ASCC3: variants seen among roughly 807,000 people sequenced by gnomAD.
The protein encoded by ASCC3 is activating signal cointegrator 1 complex subunit 3.
ASCC3 carries 158 observed loss-of-function variants against 256.3 expected under a neutral mutation model. That is an observed-to-expected ratio of 0.62 (90% confidence interval 0.54 to 0.70). ASCC3 has a LOEUF of 0.70. ASCC3 is among the 30% of genes least tolerant of loss of function. The pLI, the probability that ASCC3 is intolerant of heterozygous loss-of-function variation, is 0.00. For synonymous variants in ASCC3, 948 were observed against 883.4 expected (o/e 1.07, Z -1.30); for missense variants, 2,259 against 2,626.0 (o/e 0.86, Z 3.05).
At chr6:100,653,204 C>G (rs979853295) in intron 17 of ASCC3, among the ~76,000 whole-genome samples, 2 of 152,002 alleles carry the variant, frequency 1.3e-5, no homozygotes, top group Non-Finnish European at 2.9e-5. Context: ...ATTTTAAAAA[C>G]TCAATAATTG....
At chr6:100,590,601 C>A (rs1285091249) in intron 34 of ASCC3, among the ~76,000 whole-genome samples, 1 of 152,080 alleles carries the variant, frequency 6.6e-6, no homozygotes, top group Non-Finnish European at 1.5e-5. Flanking sequence ...TCCCTTTTCC[C>A]CATCCACATC....
At chr6:100,584,928 A>G (rs1199224876) in intron 36 of ASCC3, among the ~76,000 whole-genome samples, 1 of 152,212 alleles carries the variant, frequency 6.6e-6, no homozygotes, top group Non-Finnish European at 1.5e-5. Context: ...TCTAGCTTGT[A>G]GAGTTTCTGC....
chr6:100,740,056 G>T lies in ASCC3; in HGVS notation c.1738-14353C>A, dbSNP rs919355590. ...TAATCGGAGGTATTTCTAACTTTCT[G>T]ATGTGAGCATTTAGTACTATAAATT... On this transcript the variant is annotated intron_variant, in intron 10 of 41. Coordinates refer to ENST00000369162, the MANE Select transcript of ASCC3 (RefSeq NM_006828.4). 1.1e-4 allele frequency among the ~76,000 whole-genome samples: 17 copies of T among 152,162 alleles called. No homozygotes were observed. In the East Asian group the frequency reaches 2.5e-3, roughly 22 times the overall value.
chr6:100,774,645 G>A (rs985897718), intron 8 of ASCC3, among the ~76,000 whole-genome samples: 9 of 152,064 alleles, frequency 5.9e-5, no homozygotes, highest in African/African-American at 9.7e-5. Flanking sequence ...GATTACAGGC[G>A]TGAGCCACTG....
chr6:100,587,136 A>G (rs571859400), intron 36 of ASCC3, among the ~76,000 whole-genome samples: 1 of 152,252 alleles, frequency 6.6e-6, no homozygotes, highest in Admixed American at 6.5e-5. Context: ...TTATCCCCAC[A>G]GCTTTCCTCA....
intron 14 of ASCC3, among the ~76,000 whole-genome samples, chr6:100,670,278 T>TG (rs1366720619): frequency 6.6e-6 from 1 of 151,942 alleles, no homozygotes; most frequent in East Asian, 1.9e-4. Context: ...CAAAGTTATG[T>TG]GGGGGTAAAG....
At chr6:100,682,932 G>A (rs972413164) in intron 13 of ASCC3, among the ~76,000 whole-genome samples, 2 of 152,122 alleles carry the variant, frequency 1.3e-5, no homozygotes, top group Non-Finnish European at 2.9e-5. Flanking sequence ...AAAGCCAGCT[G>A]AGTAAGGATA....
intron 11 of ASCC3, among the ~76,000 whole-genome samples, chr6:100,724,926 G>T (rs180749692): frequency 5.3e-5 from 8 of 151,906 alleles, no homozygotes; most frequent in Non-Finnish European, 1.0e-4. Context: ...GTCTATGAAC[G>T]TCTACTGATA....
chr6:100,580,469 G>A (rs932975705), intron 36 of ASCC3, among the ~76,000 whole-genome samples: 1 of 151,224 alleles, frequency 6.6e-6, no homozygotes, highest in Non-Finnish European at 1.5e-5. Flanking sequence ...GTGAATAGAT[G>A]TTTTAATATT....
At chr6:100,740,738 G>A (rs1780396911) in intron 10 of ASCC3, among the ~76,000 whole-genome samples, 1 of 152,084 alleles carries the variant, frequency 6.6e-6, no homozygotes, top group South Asian at 2.1e-4. Context: ...GGCAACCCCT[G>A]CTTTTTTCTG....
At chr6:100,687,487 G>A (rs1040531282) in intron 13 of ASCC3, among the ~76,000 whole-genome samples, 2 of 151,780 alleles carry the variant, frequency 1.3e-5, no homozygotes, top group Non-Finnish European at 2.9e-5. Flanking sequence ...TCAGCCTCCC[G>A]AGTAGCTGGG....
Position 100,609,239 on chromosome 6 carries a change from A to T in ASCC3, c.4786-2151T>A, listed in dbSNP as rs534485378. 2.0e-3 allele frequency among the ~76,000 whole-genome samples: 304 copies of T among 151,944 alleles called. 4 individuals carry two copies. Among genetic ancestry groups the T allele is most frequent in the Non-Finnish European group, 1.9e-3 (129 of 67,936 alleles). ...AACTTCTGTTATAGTTTTATTTTTTAAATTTAAATAATTATCTTGTAATTT... is the reference window on the plus strand; with the variant it reads ...AACTTCTGTTATAGTTTTATTTTTTTAATTTAAATAATTATCTTGTAATTT... On this transcript the variant is annotated intron_variant, in intron 30 of 41. Coordinates refer to ENST00000369162, the MANE Select transcript of ASCC3 (RefSeq NM_006828.4).
At position 100,589,965 on chromosome 6, in the gene ASCC3, A is replaced by G; in HGVS notation, c.5398T>C (p.Cys1800Arg). The G allele has an allele frequency of 1.2e-6, 2 of 1,612,782 alleles. No individual in the cohort carries two copies. The highest frequency in any genetic ancestry group is 1.7e-6 in the Non-Finnish European group (2 of 1,178,880). ...KSLIELELSY[C>R]IEIGEDNRSI... is the part of the protein sequence containing the mutation. ...AGTCATACCTCTCCAATTTCAATAC[A>G]GTAGGAAAGTTCCAATTCAATCAGG... Residue 1800 changes from cysteine (C) to arginine (R), a missense_variant, in exon 35 of 42, where the codon TGT becomes CGT. Physicochemically the swap from Cys to Arg is radical, Grantham distance 180 (BLOSUM62 -3). Coordinates refer to ENST00000369162, the MANE Select transcript of ASCC3 (RefSeq NM_006828.4).
rs577964458 is a variant in ASCC3, at chr6:100,834,901, C to T, written c.801+13247G>A. On this transcript the variant is annotated intron_variant, in intron 4 of 41. Transcript: ENST00000369162. ...ACTTTCATGGATAGATAACTGTTTT[C>T]TGACAGAAACTTTTGAAAACAGAAG... Among the ~76,000 whole-genome samples the T allele has an allele frequency of 2.0e-5, 3 of 152,136 alleles. No homozygotes were observed. The South Asian group carries it at 6.2e-4, about 32-fold the overall frequency.
At chr6:100,584,167 G>C (rs542336462) in intron 36 of ASCC3, among the ~76,000 whole-genome samples, 90 of 151,418 alleles carry the variant, frequency 5.9e-4, no homozygotes, top group Admixed American at 1.0e-3. Context: ...TCGTTGATCT[G>C]TCTAATGTTG....
intron 30 of ASCC3, among the ~76,000 whole-genome samples, chr6:100,612,927 T>C (rs1773478942): frequency 8.4e-6 from 1 of 119,364 alleles, no homozygotes; most frequent in Non-Finnish European, 1.9e-5. Context: ...GTGAAGTAAA[T>C]ATATAAGTGA....
At chr6:100,727,667 CAACAACAACAACAAA>C (rs1405968294) in intron 10 of ASCC3, among the ~76,000 whole-genome samples, 3 of 148,350 alleles carry the variant, frequency 2.0e-5, no homozygotes, top group Non-Finnish European at 4.4e-5. Flanking sequence ...ACAACAACAA[CAACAACAACAACAAA>C]AAAGGGTCTA....
chr6:100,712,639 C>G (rs1317741731), intron 13 of ASCC3, among the ~76,000 whole-genome samples: 2 of 150,888 alleles, frequency 1.3e-5, no homozygotes, highest in African/African-American at 4.9e-5. Flanking sequence ...GGATGTTGAA[C>G]AACAGAAATT....
chr6:100,854,102 C>CA (rs1772820949), intron 3 of ASCC3, among the ~76,000 whole-genome samples: 1 of 151,084 alleles, frequency 6.6e-6, no homozygotes, highest in African/African-American at 2.4e-5. Flanking sequence ...CAGAAAAACT[C>CA]AGATACAAAC....
Sources: gnomAD v4.1 joint callset for allele counts (sites outside exome capture counted in the v4.1 genomes callset) on GRCh38, gnomAD v4.1.1 for gene constraint, MANE v1.5 for transcripts, NCBI Gene and HGNC (gene_info 2026-07-23, HGNC 2026-07-21) for gene names.